Variants in THEMIS observed in about 807,000 individuals in gnomAD.
The protein encoded by THEMIS is protein THEMIS.
A neutral mutation model predicts 52.6 loss-of-function variants in THEMIS; 37 were observed. The observed-to-expected ratio is 0.70, with a 90% CI of 0.54 to 0.93. The LOEUF is 0.93. Ranked by LOEUF, THEMIS falls within the 40% of genes least tolerant of loss-of-function variation. The pLI is 0.00. For synonymous variants in THEMIS, 292 were observed against 272.7 expected (o/e 1.07, Z -0.70); for missense variants, 808 against 763.1 (o/e 1.06, Z -0.69).
chr6:127,884,324 T>C (rs1433725798), intron 1 of THEMIS, among the ~76,000 whole-genome samples: 1 of 152,164 alleles, frequency 6.6e-6, no homozygotes, highest in African/African-American at 2.4e-5. Context: ...ATCCATAATG[T>C]CAGCCCTGAC....
intron 4 of THEMIS, among the ~76,000 whole-genome samples, chr6:127,723,624 T>G (rs72965750): frequency 0.053 from 7,993 of 152,042 alleles, 259 homozygotes; most frequent in Non-Finnish European, 0.08. Flanking sequence ...ACTCTAATTC[T>G]AATGTCCTTT....
At chr6:127,801,437 T>C (rs1021756248) in intron 4 of THEMIS, among the ~76,000 whole-genome samples, 1 of 152,130 alleles carries the variant, frequency 6.6e-6, no homozygotes, top group African/African-American at 2.4e-5. Context: ...AAAAGGTACA[T>C]GCACACCCTT....
intron 1 of THEMIS, among the ~76,000 whole-genome samples, chr6:127,876,887 A>G (rs1030738952): frequency 2.0e-5 from 3 of 152,226 alleles, no homozygotes; most frequent in Non-Finnish European, 4.4e-5. Context: ...ATAATGAAAT[A>G]CATCTAGGCA....
intron 1 of THEMIS, among the ~76,000 whole-genome samples, chr6:127,859,488 A>G (rs1371639217): frequency 2.0e-5 from 3 of 150,764 alleles, no homozygotes; most frequent in Non-Finnish European, 4.5e-5. Context: ...CTAGTAAAAC[A>G]GTTTTTTTTA....
chr6:127,752,297 A>G (rs572534127), intron 4 of THEMIS, among the ~76,000 whole-genome samples: 52 of 151,650 alleles, frequency 3.4e-4, no homozygotes, highest in South Asian at 1.9e-3. Context: ...AGAGGGGAGG[A>G]AATGAATTAG....
intron 2 of THEMIS, among the ~76,000 whole-genome samples, chr6:127,836,424 G>A (rs892735957): frequency 6.6e-6 from 1 of 152,040 alleles, no homozygotes; most frequent in African/African-American, 2.4e-5. Flanking sequence ...TTGTAACATT[G>A]TGCTTTGTCT....
intron 1 of THEMIS, among the ~76,000 whole-genome samples, chr6:127,894,348 T>A (rs562587743): frequency 6.6e-6 from 1 of 151,864 alleles, no homozygotes; most frequent in Admixed American, 6.6e-5. Context: ...CAAAATACAA[T>A]GAAATTATTA....
chr6:127,843,050 G>A (rs145283453), intron 2 of THEMIS, among the ~76,000 whole-genome samples: 170 of 152,082 alleles, frequency 1.1e-3, no homozygotes, highest in African/African-American at 3.8e-3. Flanking sequence ...TAGGAAGCAC[G>A]TCCCAAAGCT....
chr6:127,838,324 G>T (rs1452602351), intron 2 of THEMIS, among the ~76,000 whole-genome samples: 3 of 152,032 alleles, frequency 2.0e-5, no homozygotes, highest in Non-Finnish European at 1.5e-5. Context: ...AGGTGGAAAA[G>T]TTGTTATTGT....
At chr6:127,894,168 C>A (rs1780895247) in intron 1 of THEMIS, among the ~76,000 whole-genome samples, 1 of 151,426 alleles carries the variant, frequency 6.6e-6, no homozygotes, top group African/African-American at 2.4e-5. Context: ...ATAATTTGAA[C>A]AAAACAAATA....
rs186430929 is a variant in THEMIS, at chr6:127,823,749, A to G, written c.709+5727T>C. Reference sequence around the variant, plus strand: ...CCAGGCAAAACTCTGGGCTAGAACTAATTTAATTAGGTAGTGAGGTTTAGG... The same window carrying G: ...CCAGGCAAAACTCTGGGCTAGAACTGATTTAATTAGGTAGTGAGGTTTAGG... On this transcript the variant is annotated intron_variant, in intron 3 of 5. Coordinates refer to ENST00000368248, the MANE Select transcript of THEMIS (RefSeq NM_001010923.3). Among the ~76,000 whole-genome samples the G allele has an allele frequency of 9.3e-3, 1,410 of 152,258 alleles. 7 individuals are homozygous for G. Among genetic ancestry groups the G allele is most frequent in the Non-Finnish European group, 0.016 (1,082 of 68,022 alleles).
chr6:127,883,296 T>C (rs1183933408), intron 1 of THEMIS, among the ~76,000 whole-genome samples: 1 of 151,836 alleles, frequency 6.6e-6, no homozygotes, highest in Non-Finnish European at 1.5e-5. Context: ...GTTTTATCCC[T>C]ATAGCAGAGG....
At chr6:127,889,701 C>T (rs771780096) in intron 1 of THEMIS, among the ~76,000 whole-genome samples, 13 of 144,380 alleles carry the variant, frequency 9.0e-5, no homozygotes, top group Admixed American at 4.1e-4. Context: ...ATCTCTGCAT[C>T]GGATAGTCAT....
At chr6:127,884,560 A>G (rs1562320562) in intron 1 of THEMIS, among the ~76,000 whole-genome samples, 1 of 152,070 alleles carries the variant, frequency 6.6e-6, no homozygotes, top group Non-Finnish European at 1.5e-5. Flanking sequence ...TCAAGTTCAG[A>G]ATATTCTACC....
chr6:127,909,489 C>T (rs1781358063), intron 1 of THEMIS, among the ~76,000 whole-genome samples: 1 of 152,108 alleles, frequency 6.6e-6, no homozygotes, highest in Non-Finnish European at 1.5e-5. Context: ...TGAAGAAGGA[C>T]ATGTTTGCTT....
chr6:127,781,509 C>A (rs1776742420), intron 4 of THEMIS, among the ~76,000 whole-genome samples: 1 of 152,072 alleles, frequency 6.6e-6, no homozygotes, highest in African/African-American at 2.4e-5. Flanking sequence ...GTGCTGATTT[C>A]TCCCCTTCTT....
At position 127,834,379 on chromosome 6, in the gene THEMIS, C is replaced by G. The variant is rs1218841358; in HGVS notation, c.251-4445G>C. Among the ~76,000 whole-genome samples the G allele has an allele frequency of 5.4e-5, 8 of 147,826 alleles. No individual in the cohort carries two copies. In the East Asian group the frequency reaches 1.6e-3, roughly 30 times the overall value. On this transcript the variant is annotated intron_variant, in intron 2 of 5. Coordinates refer to ENST00000368248, the MANE Select transcript of THEMIS (RefSeq NM_001010923.3). ...TTGAGGTCAGGAGTTCAAGGCCAGC[C>G]TGGCCAACATGATGAAACCCCGTCT...
At chr6:127,715,789 T>C (rs1304522135) in intron 5 of THEMIS, among the ~76,000 whole-genome samples, 1 of 151,866 alleles carries the variant, frequency 6.6e-6, no homozygotes, top group East Asian at 1.9e-4. Context: ...ATAAGACCAT[T>C]TGAGTCCAAC....
upstream of THEMIS, among the ~76,000 whole-genome samples, chr6:127,901,234 G>A (rs150840527): frequency 6.6e-6 from 1 of 152,080 alleles, no homozygotes; most frequent in African/African-American, 2.4e-5. Context: ...AAAATGAGAC[G>A]TGCTAAGTAG....
Sources: gnomAD v4.1 joint callset for allele counts (sites outside exome capture counted in the v4.1 genomes callset) on GRCh38, gnomAD v4.1.1 for gene constraint, MANE v1.5 for transcripts, NCBI Gene and HGNC (gene_info 2026-07-23, HGNC 2026-07-21) for gene names.